Variants in GALNT9 observed in about 807,000 individuals in gnomAD.
GALNT9 encodes polypeptide N-acetylgalactosaminyltransferase 9, also known as GalNAc transferase 9.
A neutral mutation model predicts 63.1 loss-of-function variants in GALNT9; 47 were observed. That is an observed-to-expected ratio of 0.75 (90% confidence interval 0.59 to 0.95). The LOEUF (loss-of-function observed/expected upper bound fraction) is 0.95. Among genes scored for constraint, GALNT9 ranks in the 40% least tolerant of loss-of-function variants. The pLI is 0.00. For missense variants in GALNT9, 829 were observed against 874.8 expected (o/e 0.95, Z 0.66); for synonymous variants, 396 against 365.7 (o/e 1.08, Z -0.94).
chr12:132,298,891 C>T (rs146421671), intron 1 of GALNT9, among the ~76,000 whole-genome samples: 4,254 of 143,072 alleles, frequency 0.03, 248 homozygotes, highest in African/African-American at 0.1. Context: ...CTGAGATAAC[C>T]CACTCTCATA....
At chr12:132,326,490 C>T (rs1566026076) in intron 1 of GALNT9, among the ~76,000 whole-genome samples, 1 of 152,196 alleles carries the variant, frequency 6.6e-6, no homozygotes, top group African/African-American at 2.4e-5. Flanking sequence ...CAAAGAAAGG[C>T]CACTGGACCA....
At chr12:132,269,345 G>A (rs1879778904) in intron 2 of GALNT9, among the ~76,000 whole-genome samples, 1 of 152,260 alleles carries the variant, frequency 6.6e-6, no homozygotes, top group Non-Finnish European at 1.5e-5. Context: ...AGAGCAAGCA[G>A]AGCCAGTGGC....
intron 6 of GALNT9, among the ~76,000 whole-genome samples, chr12:132,243,348 G>C (rs1442339169): frequency 7.0e-6 from 1 of 142,584 alleles, no homozygotes; most frequent in Non-Finnish European, 1.6e-5. Context: ...GGGGCCATCA[G>C]GGCCCCCAGT....
At chr12:132,258,222 C>T (rs191308764) in intron 4 of GALNT9, among the ~76,000 whole-genome samples, 1 of 152,274 alleles carries the variant, frequency 6.6e-6, no homozygotes, top group African/African-American at 2.4e-5. Context: ...CCACGGGGCT[C>T]CCCAGCTCGG....
intron 1 of GALNT9, among the ~76,000 whole-genome samples, chr12:132,291,633 A>G (rs1451048053): frequency 4.2e-5 from 4 of 96,314 alleles, no homozygotes; most frequent in African/African-American, 9.8e-5. Context: ...CGTCCACACC[A>G]CCCACATCCA....
At position 132,197,149 on chromosome 12, in the gene GALNT9, C is replaced by T. The variant is rs1459345229; in HGVS notation, c.1770G>A (p.Gln590=). The change falls in exon 11 of 11, where the codon CAG becomes CAA. Residue 590 remains glutamine, a synonymous_variant. Transcript: ENST00000328957. ...LRLVVQRCSG[Q]KWMIRNWIKH... is the part of the protein sequence containing the mutation. Reference sequence around the variant, plus strand: ...TGATCCAGTTTCTGATCATCCACTTCTGCCCCGAGCACCTCTGTACCACCA... The same window carrying T: ...TGATCCAGTTTCTGATCATCCACTTTTGCCCCGAGCACCTCTGTACCACCA... 1.2e-6 allele frequency: 2 copies of T among 1,614,172 alleles called. No homozygotes were observed. The highest frequency in any genetic ancestry group is 1.7e-6 in the Non-Finnish European group (2 of 1,180,018).
chr12:132,286,148 A>C lies in GALNT9; in HGVS notation c.419+102T>G. 1 of 1,232,730 alleles carries C rather than the reference A, an allele frequency of 8.1e-7. No homozygotes were observed. Among genetic ancestry groups the C allele is most frequent in the Non-Finnish European group, 1.1e-6 (1 of 939,282 alleles). The allele number at this position is 1,232,730 out of a possible 1,614,324, so 76.4% of individuals were successfully genotyped here. A position where few individuals can be genotyped will look rare whatever the true frequency, so the allele number is the denominator to read the frequency against. On this transcript the variant is annotated intron_variant, in intron 2 of 10. Coordinates refer to ENST00000328957, the MANE Select transcript of GALNT9 (RefSeq NM_001122636.2). This position sits in a 1 kb window ranked among gnomAD's most constrained non-coding sequence, Gnocchi z 7.4. ...TCCCTGGCGGGCGTGGGGGCCGCTC[A>C]CTTCCCCGGCCGGCGTGGGGGGCAG...
At chr12:132,218,821 C>T (rs1245424032) in intron 6 of GALNT9, among the ~76,000 whole-genome samples, 1 of 152,250 alleles carries the variant, frequency 6.6e-6, no homozygotes, top group Non-Finnish European at 1.5e-5. Flanking sequence ...CCAGGGCCAG[C>T]CGTTGTCCAG....
chr12:132,304,704 CTCACCT>C, intron 1 of GALNT9, among the ~76,000 whole-genome samples: 1 of 56,510 alleles, frequency 1.8e-5, no homozygotes, highest in African/African-American at 7.1e-5. Context: ...CAGACACACC[CTCACCT>C]GGGCACAGCC....
At chr12:132,303,136 G>A (rs797042566) in intron 1 of GALNT9, among the ~76,000 whole-genome samples, 4 of 152,064 alleles carry the variant, frequency 2.6e-5, no homozygotes, top group South Asian at 4.1e-4. Context: ...CATGCACACT[G>A]TGGCTGTCAC....
Position 132,197,782 on chromosome 12 carries a change from A to G in GALNT9, c.1665+10T>C. 1 of 822,698 alleles carries G rather than the reference A, an allele frequency of 1.2e-6. No individual in the cohort carries two copies. Among genetic ancestry groups the G allele is most frequent in the Non-Finnish European group, 1.8e-6 (1 of 549,406 alleles). 51.0% of individuals were successfully genotyped at this position (822,698 alleles called of 1,614,324 possible). A position where few individuals can be genotyped will look rare whatever the true frequency, so the allele number is the denominator to read the frequency against. On this transcript the variant is annotated intron_variant, in intron 10 of 10. Transcript: ENST00000328957. ...CCCAACCCCACGGCCCCCCTTCCCCAGAGGCTGACCTGGGTGAAGTCCCAC... is the reference window on the plus strand; with the variant it reads ...CCCAACCCCACGGCCCCCCTTCCCCGGAGGCTGACCTGGGTGAAGTCCCAC...
intron 6 of GALNT9, among the ~76,000 whole-genome samples, chr12:132,208,339 C>A (rs756800026): frequency 1.3e-5 from 2 of 152,176 alleles, no homozygotes; most frequent in African/African-American, 2.4e-5. Context: ...TGAAGGAGGC[C>A]GGAGCCCGGC....
intron 5 of GALNT9, among the ~76,000 whole-genome samples, chr12:132,256,145 C>T (rs1277384534): frequency 6.6e-6 from 1 of 152,116 alleles, no homozygotes; most frequent in East Asian, 1.9e-4. Context: ...GATGGAGACC[C>T]CTGGGTGACC....
chr12:132,306,013 G>T (rs543759700), intron 1 of GALNT9, among the ~76,000 whole-genome samples: 96 of 152,222 alleles, frequency 6.3e-4, no homozygotes, highest in South Asian at 2.3e-3. Flanking sequence ...GGACAGGGGG[G>T]CTCATGGCGG....
chr12:132,197,761 AC>A, intron 10 of GALNT9, 30 bp downstream of exon 10: 3 of 1,426,288 alleles, frequency 2.1e-6, no homozygotes, highest in Non-Finnish European at 9.6e-7. Context: ...CCCCGCCCCA[AC>A]CCCACGGCCC....
rs1555243274 is a variant in GALNT9, at chr12:132,296,614, A to C, written c.239-10184T>G. 2.6e-5 allele frequency among the ~76,000 whole-genome samples: 4 copies of C among 152,214 alleles called. No homozygotes were observed. The highest frequency in any genetic ancestry group is 9.7e-5 in the African/African-American group (4 of 41,446). ...CACAACTTTCATGAAAAACAAACCA[A>C]GCTCAATATCCTGCTGTTCTGAGGT... On this transcript the variant is annotated intron_variant, in intron 1 of 10. Transcript: ENST00000328957. The surrounding 1 kb of genome is among the most constrained non-coding windows in gnomAD (Gnocchi z 4.2).
chr12:132,293,169 G>C (rs1048316225), intron 1 of GALNT9, among the ~76,000 whole-genome samples: 3 of 152,200 alleles, frequency 2.0e-5, no homozygotes, highest in Non-Finnish European at 2.9e-5. Flanking sequence ...TGAGTGGGGG[G>C]GCTCAGGCAG....
intron 2 of GALNT9, among the ~76,000 whole-genome samples, chr12:132,267,660 C>G (rs1219354868): frequency 6.6e-6 from 1 of 151,128 alleles, no homozygotes; most frequent in Non-Finnish European, 1.5e-5. Flanking sequence ...TGGTGTGAAG[C>G]TAGACAAAGA....
intron 5 of GALNT9, among the ~76,000 whole-genome samples, chr12:132,248,915 G>A (rs1009002024): frequency 5.3e-5 from 8 of 152,132 alleles, no homozygotes; most frequent in Non-Finnish European, 1.2e-4. Flanking sequence ...GATCCGCGGA[G>A]CAGTGAAGGC....
Sources: allele counts gnomAD v4.1 joint callset (sites outside exome capture counted in the v4.1 genomes callset), GRCh38; gene constraint gnomAD v4.1.1; non-coding constraint Gnocchi (gnomAD v3.1); transcripts MANE v1.5; gene names NCBI Gene and HGNC (gene_info 2026-07-23, HGNC 2026-07-21).